Variants in PPP2R3A observed in about 807,000 individuals in gnomAD.
PPP2R3A encodes the protein serine/threonine-protein phosphatase 2A regulatory subunit B'' subunit alpha.
PPP2R3A carries 80 observed loss-of-function variants against 106.9 expected under a neutral mutation model. The ratio of observed to expected loss-of-function variants is 0.75; its 90% confidence interval spans 0.62 to 0.90. The LOEUF (loss-of-function observed/expected upper bound fraction) is 0.90, where lower values mean the gene tolerates loss of function less well. Ranked by LOEUF, PPP2R3A falls within the 40% of genes least tolerant of loss-of-function variation. PPP2R3A has a pLI of 0.00. For synonymous variants in PPP2R3A, 483 were observed against 468.3 expected, an observed-to-expected ratio of 1.03 and a Z score of -0.41; for missense variants, 1,386 against 1,350.4, an observed-to-expected ratio of 1.03 and a Z score of -0.41.
At chr3:136,080,897 T>C (rs1202081807) in intron 7 of PPP2R3A, among the ~76,000 whole-genome samples, 1 of 152,242 alleles carries the variant, frequency 6.6e-6, no homozygotes, top group African/African-American at 2.4e-5. Context: ...CAGAGCACTT[T>C]GGTTTTCCAG....
intron 8 of PPP2R3A, among the ~76,000 whole-genome samples, chr3:136,084,092 A>G (rs1244147089): frequency 6.6e-6 from 1 of 152,256 alleles, no homozygotes; most frequent in Non-Finnish European, 1.5e-5. Context: ...AATCACCAAA[A>G]CAATGGGGAA....
At chr3:136,047,508 T>A (rs1179488444) in intron 4 of PPP2R3A, among the ~76,000 whole-genome samples, 1 of 152,208 alleles carries the variant, frequency 6.6e-6, no homozygotes, top group African/African-American at 2.4e-5. Context: ...TGGATGCAGC[T>A]GGAGACCATT....
At chr3:136,075,477 A>G (rs571502430) in intron 6 of PPP2R3A, among the ~76,000 whole-genome samples, 9 of 152,296 alleles carry the variant, frequency 5.9e-5, no homozygotes, top group Non-Finnish European at 8.8e-5. Flanking sequence ...GTGCTGATGA[A>G]GTGTGGCCAC....
At chr3:136,119,023 A>G (rs1167664925) in intron 13 of PPP2R3A, among the ~76,000 whole-genome samples, 1 of 152,222 alleles carries the variant, frequency 6.6e-6, no homozygotes, top group African/African-American at 2.4e-5. Context: ...CAAAACAGAT[A>G]TATAAACCAA....
chr3:136,123,854 A>G (rs1172118245), intron 13 of PPP2R3A, among the ~76,000 whole-genome samples: 1 of 152,204 alleles, frequency 6.6e-6, no homozygotes, highest in Non-Finnish European at 1.5e-5. Flanking sequence ...GATTGCAGAC[A>G]CTCAAGGATA....
intron 13 of PPP2R3A, among the ~76,000 whole-genome samples, chr3:136,114,523 AAGATCC>A (rs1179471309): frequency 2.0e-5 from 3 of 152,188 alleles, no homozygotes; most frequent in African/African-American, 7.2e-5. Context: ...CCAGCAAACT[AAGATCC>A]ACTGGCTTGA....
chr3:136,119,905 A>G (rs753605741), intron 13 of PPP2R3A, among the ~76,000 whole-genome samples: 19 of 152,180 alleles, frequency 1.2e-4, no homozygotes, highest in South Asian at 4.1e-4. Context: ...ACATGCACAC[A>G]TACGTTTATT....
In PPP2R3A at chr3:136,070,548, C is replaced by T; in HGVS notation, c.2540C>T (p.Thr847Ile). ...CCAGAATTCCACTCCCGCTACATCA[C>T]CACGGTAGGCTGAGTCATCTTTTTT... ...DAPEFHSRYITTVIQRIFYTV... is the reference protein window; with the variant it reads ...DAPEFHSRYIITVIQRIFYTV... The change falls in exon 6 of 14, where the codon ACC (threonine) becomes ATC (isoleucine). Residue 847 changes from threonine (T) to isoleucine (I), a missense_variant. Thr to Ile is a moderately conservative substitution (Grantham distance 89). Coordinates refer to ENST00000264977, the MANE Select transcript of PPP2R3A (RefSeq NM_002718.5). 1 of 1,606,532 alleles carries T rather than the reference C, an allele frequency of 6.2e-7. No homozygotes were observed. The highest frequency in any genetic ancestry group is 1.3e-5 in the African/African-American group (1 of 74,600).
chr3:136,143,170 T>C (rs1015829067), intron 13 of PPP2R3A, among the ~76,000 whole-genome samples: 1 of 152,186 alleles, frequency 6.6e-6, no homozygotes, highest in African/African-American at 2.4e-5. Context: ...TTTTAAAAGG[T>C]TTAAACCTCT....
At chr3:136,087,298 T>TCTCA (rs1936975440) in intron 8 of PPP2R3A, among the ~76,000 whole-genome samples, 1 of 138,122 alleles carries the variant, frequency 7.2e-6, no homozygotes, top group Non-Finnish European at 1.6e-5. Context: ...TCTCTCTCTC[T>TCTCA]CACCAACATG....
In PPP2R3A at chr3:136,115,929, C is replaced by T. The variant is rs183687544; in HGVS notation, c.3329+9607C>T. On this transcript the variant is annotated intron_variant, in intron 13 of 13. Transcript: ENST00000264977. ...AGATACCCCTTGAGAAGAGCAACCC[C>T]GAGACTTGTAAGCGTCAAATTCACC... Among the ~76,000 whole-genome samples the T allele has an allele frequency of 1.4e-4, 22 of 151,930 alleles. No homozygotes were observed. The East Asian group carries it at 2.3e-3, about 16-fold the overall frequency.
intron 13 of PPP2R3A, among the ~76,000 whole-genome samples, chr3:136,115,461 G>A (rs1937707709): frequency 6.6e-6 from 1 of 151,826 alleles, no homozygotes; most frequent in Non-Finnish European, 1.5e-5. Context: ...CAAACCAAAG[G>A]AACTTGTTCT....
chr3:136,133,489 GAGA>G (rs1938498066), intron 13 of PPP2R3A, among the ~76,000 whole-genome samples: 1 of 152,086 alleles, frequency 6.6e-6, no homozygotes, highest in African/African-American at 2.4e-5. Context: ...CAGTAATGTG[GAGA>G]AACCAAAACT....
At chr3:136,122,184 G>A (rs1171035462) in intron 13 of PPP2R3A, among the ~76,000 whole-genome samples, 1 of 152,054 alleles carries the variant, frequency 6.6e-6, no homozygotes, top group South Asian at 2.1e-4. Context: ...AGCTGGGCAC[G>A]GTGACTCACA....
At chr3:136,075,295 T>C (rs1187818539) in intron 6 of PPP2R3A, among the ~76,000 whole-genome samples, 1 of 152,236 alleles carries the variant, frequency 6.6e-6, no homozygotes, top group Non-Finnish European at 1.5e-5. Flanking sequence ...TTATGATTTA[T>C]TGTAAAATTT....
At chr3:136,073,161 G>T (rs1394452442) in intron 6 of PPP2R3A, among the ~76,000 whole-genome samples, 1 of 152,078 alleles carries the variant, frequency 6.6e-6, no homozygotes, top group Non-Finnish European at 1.5e-5. Context: ...TAGAGACGGG[G>T]TTTCACCATG....
In PPP2R3A at chr3:136,002,158, A is replaced by G; in HGVS notation, c.660A>G (p.Ile220Met). ...LVTQILEKHKIDNFSSGTDIK... is the reference protein window; with the variant it reads ...LVTQILEKHKMDNFSSGTDIK... ...CTCAGATTTTGGAAAAACATAAAAT[A>G]GATAATTTTTCTTCTGGGACAGACA... Residue 220 changes from isoleucine (I) to methionine (M), a missense_variant, in exon 2 of 14, where the codon ATA (isoleucine) becomes ATG (methionine). By Grantham distance (10) the Ile-to-Met change is conservative. Coordinates refer to ENST00000264977, the MANE Select transcript of PPP2R3A (RefSeq NM_002718.5). 1 of 1,613,538 alleles carries G rather than the reference A, an allele frequency of 6.2e-7. No homozygotes were observed.
chr3:136,015,152 T>C (rs1934227038), intron 2 of PPP2R3A, among the ~76,000 whole-genome samples: 1 of 152,158 alleles, frequency 6.6e-6, no homozygotes, highest in South Asian at 2.1e-4. Context: ...TATTAAGTAA[T>C]CCCTGCATCC....
At chr3:135,970,116 T>G (rs996125958) in intron 1 of PPP2R3A, among the ~76,000 whole-genome samples, 1 of 152,210 alleles carries the variant, frequency 6.6e-6, no homozygotes, top group Non-Finnish European at 1.5e-5. Flanking sequence ...TTGATCTGAT[T>G]TGCTGCCTTG....
Sources: gnomAD v4.1 joint callset for allele counts (sites outside exome capture counted in the v4.1 genomes callset) on GRCh38, gnomAD v4.1.1 for gene constraint, MANE v1.5 for transcripts, NCBI Gene and HGNC (gene_info 2026-07-23, HGNC 2026-07-21) for gene names.